The following FGD5 variants were observed in gnomAD, a reference collection of about 807,000 sequenced individuals.
The protein encoded by FGD5 is FYVE, RhoGEF and PH domain-containing protein 5.
Under a neutral mutation model 133.4 loss-of-function variants are expected in FGD5, and 28 were observed. The ratio of observed to expected loss-of-function variants is 0.21; its 90% CI spans 0.16 to 0.29. FGD5 has a LOEUF of 0.29. FGD5 is among the 10% of genes least tolerant of loss of function. FGD5 has a pLI of 1.00. For synonymous variants in FGD5, 810 were observed against 776.5 expected, an observed-to-expected ratio of 1.04 and a Z score of -0.72; for missense variants, 1,858 against 1,895.2, an observed-to-expected ratio of 0.98 and a Z score of 0.36.
intron 10 of FGD5, 112 bp downstream of exon 10, chr3:14,907,823 C>A: frequency 1.8e-6 from 2 of 1,086,522 alleles, no homozygotes; most frequent in Non-Finnish European, 1.3e-6. Context: ...GCTGTCTACC[C>A]ATGGAGGGCA....
intron 1 of FGD5, among the ~76,000 whole-genome samples, chr3:14,823,068 C>T (rs1171400545): frequency 2.0e-5 from 3 of 152,122 alleles, no homozygotes; most frequent in East Asian, 3.8e-4. Context: ...CAGCACAGCC[C>T]GAGGGACTGA....
In FGD5 at chr3:14,932,418, G is replaced by A. The variant is rs962470947; in HGVS notation, c.4198-159G>A. 3.6e-5 allele frequency: 27 copies of A among 756,210 alleles called. No homozygotes were observed. In the African/African-American group the frequency reaches 4.5e-4, roughly 13 times the overall value. The allele number at this position is 756,210 out of a possible 1,614,324, so 46.8% of individuals were successfully genotyped here. The stretch of plus-strand genomic sequence containing the variant: ...CTTTCCTTCCTCAGGGCTGGCTCTG[G>A]GGGGAAGCGAGGGTCAACAGTTTGT... On this transcript the variant is annotated intron_variant, in intron 18 of 19. Transcript: ENST00000285046.
chr3:14,872,710 C>T (rs114451456), intron 2 of FGD5, among the ~76,000 whole-genome samples: 87 of 152,294 alleles, frequency 5.7e-4, no homozygotes, highest in African/African-American at 2.1e-3. Flanking sequence ...GAAGCTGGGG[C>T]GGCATGAAGG....
rs2036282836 is a variant in FGD5, at chr3:14,810,945, G to A, written c.13+80G>A. 3 of 973,668 alleles carry A rather than the reference G, an allele frequency of 3.1e-6. No individual in the cohort carries two copies. In the Admixed American group the frequency reaches 1.8e-4, roughly 60 times the overall value. The allele number at this position is 973,668 out of a possible 1,614,324, so 60.3% of individuals were successfully genotyped here. ...GGGCGCTCCAAGTTGGAGCTCCCGG[G>A]GAGCCCGGGGCTAGCTGCCCGAAAT... is the stretch of plus-strand genomic sequence containing the variant. On this transcript the variant is annotated intron_variant, in intron 1 of 1. Transcript: ENST00000640506.
chr3:14,910,691 T>G (rs1283575326), intron 10 of FGD5, among the ~76,000 whole-genome samples, 170 bp from the exon 11 acceptor site: 1 of 152,204 alleles, frequency 6.6e-6, no homozygotes. Flanking sequence ...ATCTGCTAGC[T>G]GCTCTCGGGT....
At chr3:14,879,346 T>C (rs940468224) in intron 2 of FGD5, among the ~76,000 whole-genome samples, 4 of 152,236 alleles carry the variant, frequency 2.6e-5, no homozygotes, top group Non-Finnish European at 4.4e-5. Flanking sequence ...CATCTCTGGA[T>C]CCCAGCCACT....
chr3:14,822,391 A>G (rs193160678), intron 1 of FGD5, among the ~76,000 whole-genome samples: 2 of 152,320 alleles, frequency 1.3e-5, no homozygotes, highest in Admixed American at 6.5e-5. Flanking sequence ...ACTGTATTCA[A>G]CAGGGAACTA....
At chr3:14,875,779 T>C (rs941827134) in intron 2 of FGD5, among the ~76,000 whole-genome samples, 3 of 151,878 alleles carry the variant, frequency 2.0e-5, no homozygotes, top group African/African-American at 7.3e-5. Flanking sequence ...AGGCCCAGGC[T>C]GGAGGGAGTG....
intron 2 of FGD5, among the ~76,000 whole-genome samples, chr3:14,865,871 G>T (rs940892035): frequency 6.6e-6 from 1 of 152,190 alleles, no homozygotes; most frequent in Non-Finnish European, 1.5e-5. Flanking sequence ...TTGTCTCCTT[G>T]TGGAGAAGGG....
In FGD5 at chr3:14,820,766, G is replaced by T; in HGVS notation, c.1695G>T (p.Glu565Asp). 1 of 1,613,442 alleles carries T rather than the reference G, an allele frequency of 6.2e-7. No homozygotes were observed. Among genetic ancestry groups the T allele is most frequent in the Non-Finnish European group, 8.5e-7 (1 of 1,179,682 alleles). Residue 565 changes from glutamate to aspartate, a missense_variant, in exon 1 of 20, where the codon GAG (glutamate) becomes GAT (aspartate). By Grantham distance (45) the Glu-to-Asp change is conservative (BLOSUM62 2). Around this residue, in one of 3 missense-constraint regions of FGD5, gnomAD observed 1,824 missense variants for 1,848.9 expected, o/e 0.99. Transcript: ENST00000285046. ...AGATTCCAGTGTCCGTGTACCAGGA[G>T]CCTGAGGGGTCAGGGTTGGATGACC... Reference protein sequence around the residue: ...GREIPVSVYQEPEGSGLDDHR... With the variant: ...GREIPVSVYQDPEGSGLDDHR...
At chr3:14,896,148 A>T (rs2038133495) in intron 4 of FGD5, among the ~76,000 whole-genome samples, 1 of 152,238 alleles carries the variant, frequency 6.6e-6, no homozygotes, top group South Asian at 2.1e-4. Flanking sequence ...CACAGACAAA[A>T]ATGCGAAGAT....
intron 1 of FGD5, among the ~76,000 whole-genome samples, chr3:14,828,060 G>A (rs2036636373): frequency 6.6e-6 from 1 of 152,166 alleles, no homozygotes; most frequent in African/African-American, 2.4e-5. Flanking sequence ...GAGAGTGAAT[G>A]TGTTGGCTAA....
At chr3:14,895,581 GTTTGT>G (rs957960020) in intron 4 of FGD5, among the ~76,000 whole-genome samples, 6 of 152,032 alleles carry the variant, frequency 3.9e-5, no homozygotes, top group Admixed American at 3.3e-4. Flanking sequence ...TTTTTTGTTT[GTTTGT>G]TTTATGAGAC....
chr3:14,872,018 C>T (rs1367842455), intron 2 of FGD5, among the ~76,000 whole-genome samples: 1 of 152,212 alleles, frequency 6.6e-6, no homozygotes, highest in Non-Finnish European at 1.5e-5. Context: ...CCCAGATCTG[C>T]CTGTTGACAA....
At chr3:14,869,574 C>T (rs750852407) in intron 2 of FGD5, among the ~76,000 whole-genome samples, 41 of 152,164 alleles carry the variant, frequency 2.7e-4, no homozygotes, top group Non-Finnish European at 5.7e-4. Flanking sequence ...TGAAACTCTG[C>T]CCCCTTTAGA....
chr3:14,875,459 C>A (rs1053254635), intron 2 of FGD5, among the ~76,000 whole-genome samples: 37 of 152,104 alleles, frequency 2.4e-4, no homozygotes, highest in African/African-American at 8.9e-4. Context: ...CAAACACACC[C>A]AGAGGTAGGA....
In FGD5 at chr3:14,921,904, G is replaced by GC; in HGVS notation, c.3570-11dup. On this transcript the variant is annotated splice_polypyrimidine_tract_variant and intron_variant, in intron 13 of 19. Transcript: ENST00000285046. The stretch of plus-strand genomic sequence containing the variant: ...GCTGCTCCTGCCTTTGCTCACTCCA[G>GC]CCCATGCCCGCAGCTCCTGTGCAGA... The GC allele has an allele frequency of 6.4e-7, 1 of 1,557,066 alleles. No individual in the cohort carries two copies. Among genetic ancestry groups the GC allele is most frequent in the Non-Finnish European group, 8.7e-7 (1 of 1,150,122 alleles).
chr3:14,919,767 C>T lies in FGD5; in HGVS notation c.3569+934C>T, dbSNP rs567197843. 3.4e-4 allele frequency among the ~76,000 whole-genome samples: 52 copies of T among 152,308 alleles called. 1 individual carries two copies. The South Asian group carries it at 0.01, about 30-fold the overall frequency. On this transcript the variant is annotated intron_variant, in intron 13 of 19. Coordinates refer to ENST00000285046, the MANE Select transcript of FGD5 (RefSeq NM_152536.4). ...GAGGTTCTGCTTCCTGGTTCAAAGA[C>T]GGTGCCTTCTCACATAGACAATGCC...
chr3:14,853,582 A>T (rs2037208999), intron 1 of FGD5, among the ~76,000 whole-genome samples: 1 of 136,078 alleles, frequency 7.3e-6, no homozygotes, highest in Non-Finnish European at 1.6e-5. Flanking sequence ...ACCAGTGAGG[A>T]TGGAATTTGA....
Sources: allele counts gnomAD v4.1 joint callset (sites outside exome capture counted in the v4.1 genomes callset), GRCh38; gene constraint gnomAD v4.1.1; regional missense constraint gnomAD v4.1.1; transcripts MANE v1.5; gene names NCBI Gene and HGNC (gene_info 2026-07-23, HGNC 2026-07-21).